Variants in YPEL1 observed in about 807,000 individuals in gnomAD.
YPEL1 encodes the protein protein yippee-like 1.
A neutral mutation model predicts 17.3 loss-of-function variants in YPEL1; 7 were observed. The ratio of observed to expected loss-of-function variants is 0.40; its 90% CI spans 0.23 to 0.76. The LOEUF (loss-of-function observed/expected upper bound fraction) is 0.76, where lower values mean the gene tolerates loss of function less well. Among genes scored for constraint, YPEL1 ranks in the 30% least tolerant of loss-of-function variants. The pLI, the probability that YPEL1 is intolerant of heterozygous loss-of-function variation, is 0.35. For synonymous variants in YPEL1, 59 were observed against 59.6 expected, an observed-to-expected ratio of 0.99 and a Z score of 0.05; for missense variants, 91 against 155.5, an observed-to-expected ratio of 0.59 and a Z score of 2.21.
chr22:21,721,473 G>A (rs1178271219), intron 1 of YPEL1, among the ~76,000 whole-genome samples: 1 of 151,480 alleles, frequency 6.6e-6, no homozygotes, highest in Non-Finnish European at 1.5e-5. Context: ...ACTCAGGCTG[G>A]AGTACAGTGG....
intron 1 of YPEL1, among the ~76,000 whole-genome samples, chr22:21,715,857 G>A (rs5754788): frequency 0.082 from 12,301 of 150,064 alleles, 795 homozygotes; most frequent in East Asian, 0.32. Flanking sequence ...TCCACCTCCC[G>A]GGTTCAAGTG....
chr22:21,704,949 A>C (rs563659088), intron 2 of YPEL1, among the ~76,000 whole-genome samples: 1 of 152,128 alleles, frequency 6.6e-6, no homozygotes, highest in East Asian at 1.9e-4. Flanking sequence ...AGAAATGCAA[A>C]CCAAATCAAA....
chr22:21,712,766 A>G (rs1161870758), intron 1 of YPEL1, among the ~76,000 whole-genome samples: 1 of 151,530 alleles, frequency 6.6e-6, no homozygotes, highest in Admixed American at 6.6e-5. Context: ...GGACCTATGT[A>G]TCTATATTCT....
intron 1 of YPEL1, among the ~76,000 whole-genome samples, chr22:21,727,118 C>A (rs1332722089): frequency 6.6e-6 from 1 of 152,200 alleles, no homozygotes; most frequent in Non-Finnish European, 1.5e-5. Context: ...AAGTCCCTGT[C>A]CCTGTCTCCT....
intron 1 of YPEL1, among the ~76,000 whole-genome samples, chr22:21,728,457 A>G (rs1263737408): frequency 6.6e-6 from 1 of 152,164 alleles, no homozygotes; most frequent in Non-Finnish European, 1.5e-5. Context: ...TACACTGCTC[A>G]CCATACAAGA....
intron 1 of YPEL1, among the ~76,000 whole-genome samples, chr22:21,726,494 C>T (rs534582234): frequency 1.1e-4 from 16 of 152,288 alleles, no homozygotes; most frequent in Admixed American, 5.2e-4. Flanking sequence ...TCTCCGCTCT[C>T]GGTCCCACCT....
At chr22:21,725,349 A>T (rs1417095347) in intron 1 of YPEL1, among the ~76,000 whole-genome samples, 1 of 151,408 alleles carries the variant, frequency 6.6e-6, no homozygotes, top group Admixed American at 6.6e-5. Flanking sequence ...CCTCCCAAGT[A>T]GCTGGGACTA....
rs140573675 is a variant in YPEL1 at position 21,727,014 on chromosome 22, G to A, written c.-165+8601C>T. 1.0e-3 allele frequency among the ~76,000 whole-genome samples: 152 copies of A among 152,226 alleles called. 2 individuals carry two copies. The highest frequency in any genetic ancestry group is 3.4e-3 in the Middle Eastern group (1 of 292). ...GCTTGCTGTTTCCCAAGCACACTTC[G>A]CATGGGCTTTATTTGGAGACCTTCA... On this transcript the variant is annotated intron_variant, in intron 1 of 4. Coordinates refer to ENST00000339468, the MANE Select transcript of YPEL1 (RefSeq NM_013313.5).
chr22:21,713,850 C>T (rs7349039), intron 1 of YPEL1, among the ~76,000 whole-genome samples: 85,473 of 152,034 alleles, frequency 0.56, 24,443 homozygotes, highest in East Asian at 0.76. Context: ...ACAGGACGTG[C>T]GCCAAGTTTT....
intron 1 of YPEL1, among the ~76,000 whole-genome samples, chr22:21,724,564 ATT>A (rs147417066): frequency 8.0e-6 from 1 of 124,656 alleles, no homozygotes; most frequent in South Asian, 2.7e-4. Context: ...TCATTAAAAA[ATT>A]TTTTTCTTTT....
At chr22:21,714,727 A>T (rs1356285652) in intron 1 of YPEL1, among the ~76,000 whole-genome samples, 1 of 152,222 alleles carries the variant, frequency 6.6e-6, no homozygotes, top group East Asian at 1.9e-4. Context: ...AGCAGCGAAC[A>T]TGAGTCCCTG....
In YPEL1 at chr22:21,712,725, C is replaced by CAA. The variant is rs33967845; in HGVS notation, c.-164-1819_-164-1818dup. 2.0e-3 allele frequency among the ~76,000 whole-genome samples: 183 copies of CAA among 89,516 alleles called. 1 individual carries two copies. Among genetic ancestry groups the CAA allele is most frequent in the African/African-American group, 3.2e-3 (65 of 20,456 alleles). The allele number at this position is 89,516 out of a possible 152,430, so 58.7% of individuals were successfully genotyped here. A position where few individuals can be genotyped will look rare whatever the true frequency, so the allele number is the denominator to read the frequency against. ...TGGGCGACAGAGTGAGACTACATCT[C>CAA]AAAAAAAAAAAAAAAAGGAAAATGG... On this transcript the variant is annotated intron_variant, in intron 1 of 4. Coordinates refer to ENST00000339468, the MANE Select transcript of YPEL1 (RefSeq NM_013313.5).
intron 1 of YPEL1, among the ~76,000 whole-genome samples, chr22:21,733,867 GACAGGCAAGAATCAAGA>G (rs1486591176): frequency 2.6e-5 from 4 of 152,316 alleles, no homozygotes; most frequent in Non-Finnish European, 5.9e-5. Flanking sequence ...ACTTAGTGAA[GACAGGCAAGAATCAAGA>G]ACAGATGTTA....
At position 21,703,871 on chromosome 22, in the gene YPEL1, C is replaced by A. The variant is rs367822996; in HGVS notation, c.129G>T (p.Gly43=). ...TGAAGAGGTAGGCGCGTCCCTGGCT[C>A]CCCTGAAAGGACTGAAAGAAGAAGG... ...HDELISKSFQ[G]SQGRAYLFNS... is the part of the protein sequence containing the mutation. The change falls in exon 3 of 5, where the codon GGG becomes GGT. Residue 43 remains glycine (G), a synonymous_variant. Transcript: ENST00000339468. This position sits in a 1 kb window ranked among gnomAD's most constrained non-coding sequence, Gnocchi z 6.1. The A allele has an allele frequency of 6.2e-7, 1 of 1,604,070 alleles. No individual in the cohort carries two copies. The highest frequency in any genetic ancestry group is 8.5e-7 in the Non-Finnish European group (1 of 1,175,350).
At chr22:21,701,779 G>A (rs2068069015) in intron 4 of YPEL1, among the ~76,000 whole-genome samples, 1 of 152,250 alleles carries the variant, frequency 6.6e-6, no homozygotes, top group Admixed American at 6.5e-5. Context: ...ACATCTGGAG[G>A]CTGGGCGCAG....
In YPEL1 at chr22:21,728,471, G is replaced by A. The variant is rs115962357; in HGVS notation, c.-165+7144C>T. The stretch of plus-strand genomic sequence containing the variant: ...CTACACTGCTCACCATACAAGAATC[G>A]CACGATTAACAGCAGTTCTAAGAGA... On this transcript the variant is annotated intron_variant, in intron 1 of 4. Transcript: ENST00000339468. 6.5e-3 allele frequency among the ~76,000 whole-genome samples: 991 copies of A among 152,190 alleles called. 6 individuals carry two copies. Among genetic ancestry groups the A allele is most frequent in the African/African-American group, 0.023 (940 of 41,502 alleles).
At chr22:21,704,767 C>T (rs959591623) in intron 2 of YPEL1, among the ~76,000 whole-genome samples, 4 of 151,880 alleles carry the variant, frequency 2.6e-5, no homozygotes, top group African/African-American at 9.7e-5. Flanking sequence ...TGAGAAACAG[C>T]TCATGGTATA....
At position 21,703,633 on chromosome 22, in the gene YPEL1, C is replaced by T. The variant is rs976616941; in HGVS notation, c.162-155G>A. On this transcript the variant is annotated intron_variant, in intron 3 of 4. Coordinates refer to ENST00000339468, the MANE Select transcript of YPEL1 (RefSeq NM_013313.5). The surrounding 1 kb of genome is among the most constrained non-coding windows in gnomAD (Gnocchi z 6.1). ...CGTGCCTCTCCCCCAGCCCTGCCCG[C>T]CACCACCATCAATGGGAAAGATCAG... Among the ~76,000 whole-genome samples, 1 of 152,086 alleles carries T rather than the reference C, an allele frequency of 6.6e-6. No individual in the cohort carries two copies. The highest frequency in any genetic ancestry group is 2.4e-5 in the African/African-American group (1 of 41,408).
intron 1 of YPEL1, among the ~76,000 whole-genome samples, chr22:21,725,264 G>C (rs2068323921): frequency 6.8e-6 from 1 of 147,076 alleles, no homozygotes; most frequent in Non-Finnish European, 1.5e-5. Context: ...CTGTCGCCCA[G>C]GCTGGAGTGC....
Sources: allele counts gnomAD v4.1 joint callset (sites outside exome capture counted in the v4.1 genomes callset), GRCh38; gene constraint gnomAD v4.1.1; non-coding constraint Gnocchi (gnomAD v3.1); transcripts MANE v1.5; gene names NCBI Gene and HGNC (gene_info 2026-07-23, HGNC 2026-07-21).